Variants in TCF4 observed in about 807,000 individuals in gnomAD.
TCF4 encodes the protein transcription factor 4.
TCF4 carries 3 observed loss-of-function variants against 82.1 expected under a neutral mutation model. That is an observed-to-expected ratio of 0.04 (90% CI 0.02 to 0.09). TCF4 has a LOEUF of 0.09. Ranked by LOEUF, TCF4 falls within the 10% of genes least tolerant of loss-of-function variation. TCF4 has a pLI of 1.00. For missense variants in TCF4, 518 were observed against 852.7 expected (o/e 0.61, Z 4.89); for synonymous variants, 276 against 309.6 (o/e 0.89, Z 1.14).
chr18:55,604,734 G>A (rs1303972693), intron 2 of TCF4, among the ~76,000 whole-genome samples: 1 of 152,168 alleles, frequency 6.6e-6, no homozygotes, highest in Non-Finnish European at 1.5e-5. Context: ...AGAGCCCCAT[G>A]TCATCACCTG....
At chr18:55,324,837 C>G (rs563056925) in intron 8 of TCF4, among the ~76,000 whole-genome samples, 1 of 152,130 alleles carries the variant, frequency 6.6e-6, no homozygotes, top group African/African-American at 2.4e-5. Context: ...TTTTCTGCCA[C>G]TTTTGGGGAA....
chr18:55,365,852 A>G (rs560856659), intron 6 of TCF4, among the ~76,000 whole-genome samples: 173 of 152,282 alleles, frequency 1.1e-3, no homozygotes, highest in African/African-American at 4.0e-3. Context: ...AGATAGTGCC[A>G]TTGCACTCCA....
At chr18:55,484,794 C>G (rs2096491970) in intron 3 of TCF4, among the ~76,000 whole-genome samples, 1 of 152,232 alleles carries the variant, frequency 6.6e-6, no homozygotes, top group African/African-American at 2.4e-5. Context: ...TCAGAAGATA[C>G]AATGACACTG....
chr18:55,362,308 T>G (rs1016686718), intron 6 of TCF4, among the ~76,000 whole-genome samples: 5 of 140,740 alleles, frequency 3.6e-5, no homozygotes, highest in Admixed American at 2.3e-4. Context: ...AGAATGAGAC[T>G]TTGTCTCCAA....
intron 5 of TCF4, among the ~76,000 whole-genome samples, chr18:55,455,212 A>AAAGAAG (rs1269105848): frequency 1.3e-5 from 2 of 150,882 alleles, no homozygotes; most frequent in Admixed American, 1.3e-4. Context: ...AAGAAAAGAA[A>AAAGAAG]AAGAAGAAGG....
intron 8 of TCF4, among the ~76,000 whole-genome samples, chr18:55,347,005 T>C (rs2081316870): frequency 6.6e-6 from 1 of 152,198 alleles, no homozygotes; most frequent in South Asian, 2.1e-4. Context: ...TTAGGTTATA[T>C]AAAACAAATT....
intron 3 of TCF4, among the ~76,000 whole-genome samples, chr18:55,574,086 C>T (rs1049846281): frequency 6.6e-6 from 1 of 152,126 alleles, no homozygotes; most frequent in African/African-American, 2.4e-5. Context: ...GAACTTAATT[C>T]TCATTGCCTC....
chr18:55,495,562 G>A (rs546708122), intron 3 of TCF4: 4 of 152,192 alleles, frequency 2.6e-5, no homozygotes, highest in South Asian at 4.1e-4. Flanking sequence ...AAAATGTGAA[G>A]CTAAAAATTC....
At chr18:55,622,363 T>C (rs962228236) in intron 2 of TCF4, among the ~76,000 whole-genome samples, 2 of 151,416 alleles carry the variant, frequency 1.3e-5, no homozygotes, top group African/African-American at 2.4e-5. Flanking sequence ...AAAAATTAGC[T>C]GGGCGTGGTG....
chr18:55,505,757 T>A (rs1265456885), intron 3 of TCF4, among the ~76,000 whole-genome samples: 1 of 124,788 alleles, frequency 8.0e-6, no homozygotes, highest in African/African-American at 3.1e-5. Context: ...TGAGCCGAGA[T>A]CCCGCCACTG....
At chr18:55,473,661 G>A (rs548675798) in intron 3 of TCF4, among the ~76,000 whole-genome samples, 11 of 152,158 alleles carry the variant, frequency 7.2e-5, no homozygotes, top group African/African-American at 2.7e-4. Context: ...TTAGTTTTAG[G>A]CCAATTTTCT....
intron 5 of TCF4, among the ~76,000 whole-genome samples, chr18:55,444,857 A>T (rs1252441472): frequency 6.6e-6 from 1 of 152,174 alleles, no homozygotes; most frequent in Non-Finnish European, 1.5e-5. Context: ...TATATTCTAC[A>T]TCTTAACAAA....
chr18:55,615,658 T>C (rs527336708), intron 2 of TCF4, among the ~76,000 whole-genome samples: 1 of 152,286 alleles, frequency 6.6e-6, no homozygotes, highest in East Asian at 1.9e-4. Flanking sequence ...AGTTGTAGAC[T>C]TCCATCAATA....
chr18:55,258,473 T>G (rs898304041), intron 13 of TCF4, among the ~76,000 whole-genome samples: 1 of 152,148 alleles, frequency 6.6e-6, no homozygotes, highest in African/African-American at 2.4e-5. Context: ...TTTCCCACCA[T>G]TAATCTAGAA....
chr18:55,583,361 ATG>A (rs1048846826), intron 3 of TCF4, among the ~76,000 whole-genome samples: 2 of 151,960 alleles, frequency 1.3e-5, no homozygotes, highest in South Asian at 2.1e-4. Flanking sequence ...GTATGTGTGT[ATG>A]TGTGTGTGTT....
rs1220531145 is a variant in TCF4 at position 55,365,191 on chromosome 18, ATG to A, written c.370-14190_370-14189del. Among the ~76,000 whole-genome samples the A allele has an allele frequency of 4.4e-4, 43 of 97,934 alleles. 1 individual carries two copies. The highest frequency in any genetic ancestry group is 6.4e-4 in the South Asian group (2 of 3,102). 64.2% of individuals were successfully genotyped at this position (97,934 alleles called of 152,430 possible). On this transcript the variant is annotated intron_variant, in intron 6 of 19. Transcript: ENST00000354452. ...TATATATATATATATATATATATAT[ATG>A]TGTGTGTGTGTGTGTGTATATATAT...
At chr18:55,566,025 C>T (rs905434659) in intron 3 of TCF4, among the ~76,000 whole-genome samples, 3 of 149,860 alleles carry the variant, frequency 2.0e-5, no homozygotes, top group Admixed American at 1.3e-4. Context: ...ACAGTGAAAC[C>T]CCATCTCTAC....
At chr18:55,389,588 G>A (rs2092904940) in intron 6 of TCF4, among the ~76,000 whole-genome samples, 1 of 152,194 alleles carries the variant, frequency 6.6e-6, no homozygotes, top group South Asian at 2.1e-4. Flanking sequence ...AAGACAGAGA[G>A]AACCGTGAAA....
intron 8 of TCF4, among the ~76,000 whole-genome samples, chr18:55,319,068 C>T (rs1350023328): frequency 6.6e-6 from 1 of 152,176 alleles, no homozygotes; most frequent in Non-Finnish European, 1.5e-5. Context: ...GCTGTGTTCT[C>T]TTCAGAGGAA....
Sources: allele counts gnomAD v4.1 joint callset (sites outside exome capture counted in the v4.1 genomes callset), GRCh38; gene constraint gnomAD v4.1.1; transcripts MANE v1.5; gene names NCBI Gene and HGNC (gene_info 2026-07-23, HGNC 2026-07-21).